The following CAGE1 variants were observed in gnomAD, a reference collection of about 807,000 sequenced individuals.
CAGE1 encodes the protein cancer antigen 1.
In CAGE1, 66 loss-of-function variants were observed where a neutral mutation model predicts 94.9. That is an observed-to-expected ratio of 0.70 (90% CI 0.57 to 0.85). The LOEUF (loss-of-function observed/expected upper bound fraction) is 0.85, where lower values mean the gene tolerates loss of function less well. Ranked by LOEUF, CAGE1 falls within the 40% of genes least tolerant of loss-of-function variation. CAGE1 has a pLI of 0.00. For synonymous variants in CAGE1, 319 were observed against 321.0 expected, an observed-to-expected ratio of 0.99 and a Z score of 0.07; for missense variants, 865 against 950.4, an observed-to-expected ratio of 0.91 and a Z score of 1.18.
intron 11 of CAGE1, among the ~76,000 whole-genome samples, chr6:7,346,222 T>C (rs1290170177): frequency 1.3e-5 from 2 of 152,206 alleles, no homozygotes; most frequent in Admixed American, 6.5e-5. Context: ...TTAAAAATAC[T>C]GTTCTTCATG....
chr6:7,339,236 T>C lies in CAGE1; in HGVS notation c.2370-5146A>G, dbSNP rs1188102612. ...AGCAGGCCCTCCGCACAGCAAGCCC[T>C]CCTAGGAGTTTGTAAGGCAGAGACT... is the stretch of plus-strand genomic sequence containing the variant. On this transcript the variant is annotated intron_variant, in intron 11 of 13. Coordinates refer to ENST00000502583, the MANE Select transcript of CAGE1 (RefSeq NM_001170692.2). This position sits in a 1 kb window ranked among gnomAD's most constrained non-coding sequence, Gnocchi z 4.7. 37 of 1,579,114 alleles carry C rather than the reference T, an allele frequency of 2.3e-5. No homozygotes were observed. Among genetic ancestry groups the C allele is most frequent in the Non-Finnish European group, 3.0e-5 (35 of 1,149,714 alleles).
chr6:7,332,835 A>T (rs1758802873), intron 12 of CAGE1, among the ~76,000 whole-genome samples: 1 of 152,220 alleles, frequency 6.6e-6, no homozygotes, highest in Non-Finnish European at 1.5e-5. Context: ...TTATTTCGGA[A>T]ACTCTGCACA....
At chr6:7,343,668 A>G (rs543662613) in intron 11 of CAGE1, among the ~76,000 whole-genome samples, 3 of 152,322 alleles carry the variant, frequency 2.0e-5, no homozygotes, top group South Asian at 4.1e-4. Context: ...TGAATAGTAA[A>G]TAAGTTAATG....
chr6:7,343,986 A>G (rs1034438940), intron 11 of CAGE1, among the ~76,000 whole-genome samples: 3 of 152,252 alleles, frequency 2.0e-5, no homozygotes, highest in Non-Finnish European at 4.4e-5. Flanking sequence ...TTGGAGCAGG[A>G]ACTTCTACAT....
chr6:7,387,944 G>C (rs1234311885), intron 1 of CAGE1, among the ~76,000 whole-genome samples: 5 of 147,352 alleles, frequency 3.4e-5, no homozygotes, highest in African/African-American at 1.3e-4. Flanking sequence ...TGAGGGAGGA[G>C]AATGGCGTGA....
intron 9 of CAGE1, among the ~76,000 whole-genome samples, chr6:7,357,633 C>A (rs1431063315): frequency 1.3e-5 from 2 of 152,020 alleles, no homozygotes; most frequent in Non-Finnish European, 2.9e-5. Context: ...AATTGCTCTG[C>A]AGAAGCCGGG....
At chr6:7,366,598 C>A (rs1428389702) in intron 7 of CAGE1, among the ~76,000 whole-genome samples, 1 of 152,190 alleles carries the variant, frequency 6.6e-6, no homozygotes, top group African/African-American at 2.4e-5. Context: ...CTCTAAGAAG[C>A]CTCGCTGGTA....
At position 7,373,229 on chromosome 6, in the gene CAGE1, A is replaced by G. The variant is rs760683870; in HGVS notation, c.1590T>C (p.Asn530=). The change falls in exon 5 of 14, where the codon AAT becomes AAC. Residue 530 remains asparagine (N), a synonymous_variant. Coordinates refer to ENST00000502583, the MANE Select transcript of CAGE1 (RefSeq NM_001170692.2). ...QFMSENERTK[N]IKLQQQINEV... ...CGTTGATTTGCTGCTGAAGTTTTAT[A>G]TTCTTCGTTCTTTCATTTTCAGACA... is the stretch of plus-strand genomic sequence containing the variant. 2.5e-6 allele frequency: 4 copies of G among 1,609,310 alleles called. No individual in the cohort carries two copies. The highest frequency in any genetic ancestry group is 2.2e-5 in the East Asian group (1 of 44,850).
intron 6 of CAGE1, among the ~76,000 whole-genome samples, chr6:7,369,602 G>A (rs931413722): frequency 7.2e-5 from 11 of 152,298 alleles, no homozygotes; most frequent in Admixed American, 1.3e-4. Context: ...ATCACTAGGC[G>A]CAGACTGACC....
chr6:7,362,891 G>T lies in CAGE1; in HGVS notation c.2193+2577C>A, dbSNP rs1760207636. On this transcript the variant is annotated intron_variant, in intron 9 of 13. Coordinates refer to ENST00000502583, the MANE Select transcript of CAGE1 (RefSeq NM_001170692.2). This position sits in a 1 kb window ranked among gnomAD's most constrained non-coding sequence, Gnocchi z 4.1. The stretch of plus-strand genomic sequence containing the variant: ...CCAACCCTGCCCCTACACCTACTAT[G>T]CCACCTTTTTGTTCTCCTGGAGTAC... Among the ~76,000 whole-genome samples, 1 of 152,010 alleles carries T rather than the reference G, an allele frequency of 6.6e-6. No individual in the cohort carries two copies. The highest frequency in any genetic ancestry group is 1.5e-5 in the Non-Finnish European group (1 of 68,010).
intron 6 of CAGE1, among the ~76,000 whole-genome samples, chr6:7,369,310 G>T (rs1198531307): frequency 6.6e-6 from 1 of 152,044 alleles, no homozygotes; most frequent in African/African-American, 2.4e-5. Flanking sequence ...ACCTGGCCGT[G>T]CATGTCCCTT....
intron 9 of CAGE1, among the ~76,000 whole-genome samples, chr6:7,360,507 A>T (rs946035867): frequency 2.0e-5 from 3 of 152,224 alleles, no homozygotes; most frequent in African/African-American, 7.2e-5. Context: ...AAGTATGTCA[A>T]GGTAGACATA....
chr6:7,343,608 A>T (rs1423750446), intron 11 of CAGE1, among the ~76,000 whole-genome samples: 1 of 152,118 alleles, frequency 6.6e-6, no homozygotes, highest in Non-Finnish European at 1.5e-5. Context: ...TCTGTAGGAG[A>T]TATGGCATGG....
chr6:7,361,254 G>A (rs1760156123), intron 9 of CAGE1, among the ~76,000 whole-genome samples: 1 of 152,172 alleles, frequency 6.6e-6, no homozygotes, highest in Admixed American at 6.5e-5. Context: ...TGTCTCTGTA[G>A]CAAATTAGAA....
At chr6:7,331,340 T>C in intron 12 of CAGE1, 1 of 1,069,610 alleles carries the variant, frequency 9.3e-7, no homozygotes. Context: ...GACCCGTAAG[T>C]CTGGACAAGG....
rs779198046 is a variant in CAGE1, at chr6:7,387,164, C to T, written c.10G>A (p.Asp4Asn). Residue 4 changes from aspartate to asparagine, a missense_variant, in exon 2 of 14, where the codon GAC becomes AAC. Asp to Asn is a conservative substitution (Grantham distance 23). Transcript: ENST00000502583. ...GGTGATGACCAAAATTTTTGATAGT[C>T]CTTGTTCATAACTGTTGAACAATAG... MNK[D>N]YQKFWSSPSD... is the part of the protein sequence containing the mutation. 9 of 1,550,164 alleles carry T rather than the reference C, an allele frequency of 5.8e-6. No homozygotes were observed. Among genetic ancestry groups the T allele is most frequent in the African/African-American group, 1.4e-5 (1 of 72,902 alleles).
chr6:7,332,392 G>T (rs949616175), intron 12 of CAGE1, among the ~76,000 whole-genome samples: 3 of 152,154 alleles, frequency 2.0e-5, no homozygotes, highest in Non-Finnish European at 4.4e-5. Context: ...CGAAGAATCT[G>T]GCATTCTCTT....
At chr6:7,386,193 ATCTAG>A (rs1561869794) in intron 2 of CAGE1, among the ~76,000 whole-genome samples, 1 of 144,312 alleles carries the variant, frequency 6.9e-6, no homozygotes, top group Non-Finnish European at 1.5e-5. Context: ...TGTTTATTAA[ATCTAG>A]TCTAAACAGC....
rs1328161576 is a variant in CAGE1, at chr6:7,389,265, A to C, written c.-87T>G. ...AAAACGAGACACCAAACTTTTTAAG[A>C]CACAAAAGTGTGCTCACTTCCAGGA... is the stretch of plus-strand genomic sequence containing the variant. On this transcript the variant is annotated 5_prime_UTR_variant, in exon 1 of 14. Transcript: ENST00000502583. 6.6e-6 allele frequency: 3 copies of C among 456,146 alleles called. No homozygotes were observed. The highest frequency in any genetic ancestry group is 1.3e-5 in the Non-Finnish European group (3 of 226,952). 28.3% of individuals were successfully genotyped at this position (456,146 alleles called of 1,614,324 possible). A position where few individuals can be genotyped will look rare whatever the true frequency, so the allele number is the denominator to read the frequency against.
Sources: allele counts gnomAD v4.1 joint callset (sites outside exome capture counted in the v4.1 genomes callset), GRCh38; gene constraint gnomAD v4.1.1; non-coding constraint Gnocchi (gnomAD v3.1); transcripts MANE v1.5; gene names NCBI Gene and HGNC (gene_info 2026-07-23, HGNC 2026-07-21).